TCF20: variants seen among roughly 807,000 people sequenced by gnomAD.
TCF20 encodes transcription factor 20.
TCF20 carries 3 observed loss-of-function variants against 148.6 expected under a neutral mutation model. The ratio of observed to expected loss-of-function variants is 0.02; its 90% CI spans 0.01 to 0.05. The LOEUF (loss-of-function observed/expected upper bound fraction) is 0.05. TCF20 is among the 10% of genes least tolerant of loss of function. TCF20 has a pLI of 1.00. For missense variants in TCF20, 2,350 were observed against 2,429.3 expected, an observed-to-expected ratio of 0.97 and a Z score of 0.69; for synonymous variants, 1,049 against 909.5, an observed-to-expected ratio of 1.15 and a Z score of -2.76.
chr22:42,308,606 C>A (rs1927477339), intron 1 of TCF20, among the ~76,000 whole-genome samples: 1 of 152,154 alleles, frequency 6.6e-6, no homozygotes, highest in Non-Finnish European at 1.5e-5. Flanking sequence ...GAAGTGTACC[C>A]AGGGCCATGG....
chr22:42,174,891 C>A (rs9611749), intron 3 of TCF20, among the ~76,000 whole-genome samples: 4,172 of 152,022 alleles, frequency 0.027, 84 homozygotes, highest in South Asian at 0.044. Flanking sequence ...AAAAATTAGC[C>A]GGGCGTGGCG....
chr22:42,192,512 T>A (rs1937386796), intron 2 of TCF20, among the ~76,000 whole-genome samples: 1 of 152,038 alleles, frequency 6.6e-6, no homozygotes, highest in South Asian at 2.1e-4. Flanking sequence ...AAGTGGCAAG[T>A]TTTTCAAAGG....
intron 2 of TCF20, 36 bp from the exon 3 acceptor site, chr22:42,179,738 C>T (rs772771421): frequency 4.1e-6 from 6 of 1,466,192 alleles, no homozygotes; most frequent in Non-Finnish European, 5.7e-6. Flanking sequence ...TGTCAGTATC[C>T]CAGATTTGGC....
In TCF20 at chr22:42,214,835, A is replaced by C. The variant is rs1399637881; in HGVS notation, c.471T>G (p.Thr157=). The C allele has an allele frequency of 1.1e-5, 17 of 1,613,996 alleles. 1 individual carries two copies. The highest frequency in any genetic ancestry group is 5.3e-5 in the African/African-American group (4 of 74,926). The change falls in exon 2 of 6, where the codon ACT becomes ACG. Residue 157 remains threonine, a synonymous_variant. Transcript: ENST00000677622. The stretch of plus-strand genomic sequence containing the variant: ...GAGCACTCCCTGGAGAGAAAGGCCC[A>C]GTGTAATCCTGCTGATAATGTGACA... ...GGVSHYQQDY[T]GPFSPGSAQY...
upstream of TCF20, among the ~76,000 whole-genome samples, chr22:42,272,490 C>G (rs548315057): frequency 6.6e-6 from 1 of 152,324 alleles, no homozygotes; most frequent in African/African-American, 2.4e-5. Context: ...GTCTCAGATG[C>G]AGGGCCCGGG....
intron 2 of TCF20, among the ~76,000 whole-genome samples, chr22:42,206,679 G>A (rs1241278372): frequency 1.3e-5 from 2 of 152,180 alleles, no homozygotes; most frequent in African/African-American, 4.8e-5. Context: ...GACAGGGAAG[G>A]AGGCACAAAG....
chr22:42,217,080 C>G (rs1162429272), intron 1 of TCF20, among the ~76,000 whole-genome samples: 1 of 152,206 alleles, frequency 6.6e-6, no homozygotes, highest in African/African-American at 2.4e-5. Flanking sequence ...GCAGGAAAGT[C>G]AACAACCTTT....
rs1221453151 is a variant in TCF20, at chr22:42,160,013, C to A, written c.*1390G>T. The A allele has an allele frequency of 3.3e-5, 5 of 152,514 alleles. No homozygotes were observed. The highest frequency in any genetic ancestry group is 1.2e-4 in the African/African-American group (5 of 41,402). 9.4% of individuals were successfully genotyped at this position (152,514 alleles called of 1,614,324 possible). A position where few individuals can be genotyped will look rare whatever the true frequency, so the allele number is the denominator to read the frequency against. On this transcript the variant is annotated 3_prime_UTR_variant, in exon 6 of 6. Transcript: ENST00000677622. ...ACTTTAAAGTAAACAGAAGAGGAAA[C>A]AAGGTTAAAATGAAGTTTATTATTT...
At chr22:42,186,789 A>C (rs1378559349) in intron 2 of TCF20, among the ~76,000 whole-genome samples, 1 of 152,234 alleles carries the variant, frequency 6.6e-6, no homozygotes, top group African/African-American at 2.4e-5. Context: ...ACAAACTAAA[A>C]CTATTTTTAA....
At chr22:42,268,327 G>C (rs936732549) in intron 1 of TCF20, among the ~76,000 whole-genome samples, 5 of 152,182 alleles carry the variant, frequency 3.3e-5, no homozygotes, top group African/African-American at 1.2e-4. Context: ...CAAAAGCACA[G>C]CCTAAGGCCT....
At chr22:42,265,825 T>TA (rs1926256911) in intron 1 of TCF20, among the ~76,000 whole-genome samples, 1 of 152,202 alleles carries the variant, frequency 6.6e-6, no homozygotes, top group Non-Finnish European at 1.5e-5. Context: ...CAGGAAGAGA[T>TA]AGCCCTTTAC....
At chr22:42,269,802 A>T (rs1018860602) in intron 1 of TCF20, 1 of 152,530 alleles carries the variant, frequency 6.6e-6, no homozygotes, top group Non-Finnish European at 1.5e-5. Context: ...AGGTGTTCAC[A>T]TGGCAGTAAA....
chr22:42,341,364 G>A (rs532920888), intron 1 of TCF20, among the ~76,000 whole-genome samples: 27 of 152,294 alleles, frequency 1.8e-4, no homozygotes, highest in African/African-American at 4.1e-4. Flanking sequence ...CCTGTTCCCC[G>A]GGAGGACATC....
chr22:42,161,248 G>T lies in TCF20; in HGVS notation c.*155C>A. On this transcript the variant is annotated 3_prime_UTR_variant, in exon 6 of 6. Transcript: ENST00000677622. ...TGAGAACTTAAGGAAGTGCTGGCAT[G>T]GGCAGGCACGCGGGCGGGGCGGGGC... 6.5e-7 allele frequency: 1 copy of T among 1,533,108 alleles called. No individual in the cohort carries two copies. Among genetic ancestry groups the T allele is most frequent in the Non-Finnish European group, 9.0e-7 (1 of 1,113,364 alleles). 95.0% of individuals were successfully genotyped at this position (1,533,108 alleles called of 1,614,324 possible).
chr22:42,232,691 C>T (rs1923533453), intron 1 of TCF20, among the ~76,000 whole-genome samples: 1 of 151,108 alleles, frequency 6.6e-6, no homozygotes, highest in Non-Finnish European at 1.5e-5. Context: ...ATTAGCACGG[C>T]GTGGTGGCGG....
upstream of TCF20, chr22:42,275,266 G>A (rs1926750044): frequency 6.6e-6 from 1 of 152,272 alleles, no homozygotes; most frequent in Non-Finnish European, 1.5e-5. Flanking sequence ...GCTCGGGCAG[G>A]TCGGGGGGCC....
intron 1 of TCF20, among the ~76,000 whole-genome samples, chr22:42,243,002 A>G (rs1924575321): frequency 6.6e-6 from 1 of 152,110 alleles, no homozygotes; most frequent in Non-Finnish European, 1.5e-5. Flanking sequence ...ACCAAACTGT[A>G]AAGTCAGTAG....
chr22:42,271,208 G>A (rs1181750093), upstream of TCF20, among the ~76,000 whole-genome samples: 1 of 152,250 alleles, frequency 6.6e-6, no homozygotes, highest in African/African-American at 2.4e-5. Context: ...CCCCGCCCAT[G>A]GGTTCCAGGT....
At position 42,192,441 on chromosome 22, in the gene TCF20, T is replaced by C. The variant is rs143195222; in HGVS notation, c.5656-12739A>G. Among the ~76,000 whole-genome samples, 6 of 152,280 alleles carry C rather than the reference T, an allele frequency of 3.9e-5. No individual in the cohort carries two copies. In the East Asian group the frequency reaches 1.2e-3, roughly 29 times the overall value. On this transcript the variant is annotated intron_variant, in intron 2 of 5. Coordinates refer to ENST00000677622, the MANE Select transcript of TCF20 (RefSeq NM_001378418.1). ...AGCCACTGCCATCTCACCAACGCTCTCGCCTGTCCATCTTCTCAAACAGGT... is the reference window on the plus strand; with the variant it reads ...AGCCACTGCCATCTCACCAACGCTCCCGCCTGTCCATCTTCTCAAACAGGT...
Sources: allele counts gnomAD v4.1 joint callset (sites outside exome capture counted in the v4.1 genomes callset), GRCh38; gene constraint gnomAD v4.1.1; transcripts MANE v1.5; gene names NCBI Gene and HGNC (gene_info 2026-07-23, HGNC 2026-07-21).